PCMTD1: variants seen among roughly 807,000 people sequenced by gnomAD.
PCMTD1 encodes protein-L-isoaspartate (D-aspartate) O-methyltransferase domain containing 1.
A neutral mutation model predicts 37.6 loss-of-function variants in PCMTD1; 12 were observed. The observed-to-expected ratio is 0.32, with a 90% CI of 0.20 to 0.52. The LOEUF (loss-of-function observed/expected upper bound fraction) is 0.52. Ranked by LOEUF, PCMTD1 falls within the 20% of genes least tolerant of loss-of-function variation. The pLI, the probability that PCMTD1 is intolerant of heterozygous loss-of-function variation, is 0.97. For missense variants in PCMTD1, 235 were observed against 421.3 expected (o/e 0.56, Z 3.87); for synonymous variants, 117 against 135.8 (o/e 0.86, Z 0.96).
chr8:51,899,116 A>G, upstream of PCMTD1: 1 of 1,437,214 alleles, frequency 7.0e-7, no homozygotes, highest in South Asian at 1.4e-5. Flanking sequence ...GGGCATGCGC[A>G]GAGAACCACG....
At chr8:51,856,414 T>C (rs1224205425) in intron 2 of PCMTD1, among the ~76,000 whole-genome samples, 1 of 152,182 alleles carries the variant, frequency 6.6e-6, no homozygotes, top group Admixed American at 6.5e-5. Context: ...TTGGTGGGAA[T>C]GGAAAATGGT....
At chr8:51,849,925 C>T in intron 2 of PCMTD1, 2 of 628,590 alleles carry the variant, frequency 3.2e-6, no homozygotes, top group East Asian at 2.7e-5. Flanking sequence ...CCTGAGAGTT[C>T]CACACTGCAT....
At chr8:51,837,846 C>G (rs1202832829) in intron 3 of PCMTD1, among the ~76,000 whole-genome samples, 2 of 152,042 alleles carry the variant, frequency 1.3e-5, no homozygotes, top group Non-Finnish European at 2.9e-5. Flanking sequence ...GTGGTGCGAT[C>G]TTAGCTCACT....
intron 1 of PCMTD1, among the ~76,000 whole-genome samples, chr8:51,880,868 TAA>T (rs1233774435): frequency 2.0e-5 from 3 of 152,238 alleles, no homozygotes; most frequent in Non-Finnish European, 4.4e-5. Flanking sequence ...ACTTAAAAGT[TAA>T]AGAGTATGGC....
At chr8:51,829,464 G>T (rs1189760095) in intron 5 of PCMTD1, among the ~76,000 whole-genome samples, 1 of 152,142 alleles carries the variant, frequency 6.6e-6, no homozygotes, top group Non-Finnish European at 1.5e-5. Context: ...GCCTACTTTA[G>T]TCTGGGAGTC....
At chr8:51,861,306 G>A in intron 1 of PCMTD1, 60 bp from the exon 2 acceptor site, 2 of 1,204,484 alleles carry the variant, frequency 1.7e-6, no homozygotes, top group African/African-American at 1.5e-5. Context: ...AAAATAACTT[G>A]TTTATTAAAT....
chr8:51,891,441 C>T (rs1189576143), intron 1 of PCMTD1, among the ~76,000 whole-genome samples: 1 of 151,830 alleles, frequency 6.6e-6, no homozygotes, highest in Non-Finnish European at 1.5e-5. Flanking sequence ...TGCCTGTAAT[C>T]CCAGCTACTG....
chr8:51,856,712 G>A (rs1403010878), intron 2 of PCMTD1, among the ~76,000 whole-genome samples: 2 of 152,162 alleles, frequency 1.3e-5, no homozygotes, highest in Non-Finnish European at 2.9e-5. Context: ...CAGCATGGAT[G>A]AACCCTGAAA....
At position 51,831,470 on chromosome 8, in the gene PCMTD1, T is replaced by C; in HGVS notation, c.680A>G (p.Asn227Ser). ...APLVQPSKND[N>S]GKPDSVGLPP... Reference sequence around the variant, plus strand: ...GAGTCCCACAGAATCTGGTTTGCCATTATCATTCTTACTTGGTTGCACAAG... The same window carrying C: ...GAGTCCCACAGAATCTGGTTTGCCACTATCATTCTTACTTGGTTGCACAAG... Residue 227 changes from asparagine (N) to serine (S), a missense_variant, in exon 5 of 6, where the codon AAT becomes AGT. Physicochemically the swap from Asn to Ser is conservative, Grantham distance 46. Around this residue, in one of 3 missense-constraint regions of PCMTD1, gnomAD observed 183 missense variants for 349.3 expected, o/e 0.52. Coordinates refer to ENST00000522514, the MANE Select transcript of PCMTD1 (RefSeq NM_052937.4). The C allele has an allele frequency of 6.2e-7, 1 of 1,613,672 alleles. No individual in the cohort carries two copies.
intron 3 of PCMTD1, among the ~76,000 whole-genome samples, chr8:51,844,037 TAAATA>T (rs2038183707): frequency 6.6e-6 from 1 of 152,136 alleles, no homozygotes; most frequent in Non-Finnish European, 1.5e-5. Flanking sequence ...TAATAGCAAT[TAAATA>T]AAATGAACAA....
Position 51,831,449 on chromosome 8 carries a change from C to T in PCMTD1, c.701G>A (p.Gly234Glu), listed in dbSNP as rs1212843322. The T allele has an allele frequency of 6.2e-7, 1 of 1,612,588 alleles. No individual in the cohort carries two copies. The highest frequency in any genetic ancestry group is 8.5e-7 in the Non-Finnish European group (1 of 1,179,550). The change falls in exon 5 of 6, where the codon GGA (glycine) becomes GAA (glutamate). Residue 234 changes from glycine to glutamate, a missense_variant. Coordinates refer to ENST00000522514, the MANE Select transcript of PCMTD1 (RefSeq NM_052937.4). ...AAATATGAAGAGCTACTTACGGAGTCCCACAGAATCTGGTTTGCCATTATC... is the reference window on the plus strand; with the variant it reads ...AAATATGAAGAGCTACTTACGGAGTTCCACAGAATCTGGTTTGCCATTATC... ...KNDNGKPDSV[G>E]LPPCAVRNLQ...
chr8:51,899,011 TAAC>T lies in PCMTD1; in HGVS notation c.-180_-178del, dbSNP rs2129298100. ...CAGCCAGACGCCGCTACCACCACAA[TAAC>T]AACACGGACGCCACCGCCGAGTGGA... On this transcript the variant is annotated 5_prime_UTR_variant, in exon 1 of 6. Transcript: ENST00000522514. 1 of 1,513,086 alleles carries T rather than the reference TAAC, an allele frequency of 6.6e-7. No individual in the cohort carries two copies. The highest frequency in any genetic ancestry group is 1.2e-5 in the South Asian group (1 of 80,726). The allele number at this position is 1,513,086 out of a possible 1,614,324, so 93.7% of individuals were successfully genotyped here. A position where few individuals can be genotyped will look rare whatever the true frequency, so the allele number is the denominator to read the frequency against.
intron 3 of PCMTD1, chr8:51,839,430 G>T: frequency 1.0e-6 from 1 of 984,506 alleles, no homozygotes; most frequent in Non-Finnish European, 1.2e-6. Flanking sequence ...AATAACACCA[G>T]GATTCTAATC....
chr8:51,850,382 C>G (rs1215452198), intron 2 of PCMTD1, among the ~76,000 whole-genome samples: 1 of 152,038 alleles, frequency 6.6e-6, no homozygotes, highest in Non-Finnish European at 1.5e-5. Flanking sequence ...CTAGAATAAC[C>G]TGGGAATTTT....
chr8:51,820,707 C>T lies in PCMTD1; in HGVS notation c.718G>A (p.Val240Ile). The T allele has an allele frequency of 1.9e-6, 3 of 1,606,030 alleles. No homozygotes were observed. The highest frequency in any genetic ancestry group is 2.2e-5 in the East Asian group (1 of 44,680). ...PDSVGLPPCA[V>I]RNLQDLARIY... ...CGAGCCAAGTCCTGTAGATTCCTGACAGCACAGGGAGCTAAAAACAAACAT... is the reference window on the plus strand; with the variant it reads ...CGAGCCAAGTCCTGTAGATTCCTGATAGCACAGGGAGCTAAAAACAAACAT... The change falls in exon 6 of 6, where the codon GTC (valine) becomes ATC (isoleucine). Residue 240 changes from valine (V) to isoleucine (I), a missense_variant. Physicochemically the swap from Val to Ile is conservative, Grantham distance 29. This residue lies in a region of PCMTD1 where 183 missense variants were observed against 349.3 expected (regional missense o/e 0.52). Transcript: ENST00000522514.
chr8:51,897,147 T>C (rs1351253700), intron 1 of PCMTD1, among the ~76,000 whole-genome samples: 2 of 152,236 alleles, frequency 1.3e-5, no homozygotes, highest in Non-Finnish European at 2.9e-5. Context: ...TCTTCCTCAG[T>C]TGTTCTTTCC....
chr8:51,833,536 G>T lies in PCMTD1; in HGVS notation c.564C>A (p.Val188=), dbSNP rs763873687. The T allele has an allele frequency of 1.9e-6, 3 of 1,611,278 alleles. No individual in the cohort carries two copies. The highest frequency in any genetic ancestry group is 2.5e-6 in the Non-Finnish European group (3 of 1,178,418). Residue 188 remains valine (V), a synonymous_variant, in exon 4 of 6, where the codon GTC becomes GTA. Coordinates refer to ENST00000522514, the MANE Select transcript of PCMTD1 (RefSeq NM_052937.4). ...AAGTTACCTGATCCTCTATAGGCAT[G>T]ACTAATATGCCTCCAACTTTTAGTA... The part of the protein sequence containing the change: ...KILLKVGGIL[V]MPIEDQLTQI...
chr8:51,860,464 A>G (rs1028456983), intron 2 of PCMTD1: 2 of 166,428 alleles, frequency 1.2e-5, no homozygotes, highest in African/African-American at 4.8e-5. Flanking sequence ...TATATCCCAC[A>G]TTCTCCTGTC....
chr8:51,884,495 G>GTAA (rs2129293269), intron 1 of PCMTD1, among the ~76,000 whole-genome samples: 1 of 152,326 alleles, frequency 6.6e-6, no homozygotes, highest in South Asian at 2.1e-4. Context: ...TCCTAGTGTA[G>GTAA]TAATATGCTG....
Sources: allele counts gnomAD v4.1 joint callset (sites outside exome capture counted in the v4.1 genomes callset), GRCh38; gene constraint gnomAD v4.1.1; regional missense constraint gnomAD v4.1.1; transcripts MANE v1.5; gene names NCBI Gene and HGNC (gene_info 2026-07-23, HGNC 2026-07-21).